Variants in EIF2B4 observed in about 807,000 individuals in gnomAD.
EIF2B4 encodes translation initiation factor eIF2B subunit delta.
Under a neutral mutation model 66.7 loss-of-function variants are expected in EIF2B4, and 34 were observed. The ratio of observed to expected loss-of-function variants is 0.51; its 90% CI spans 0.39 to 0.68. The LOEUF is 0.68. Among genes scored for constraint, EIF2B4 ranks in the 30% least tolerant of loss-of-function variants. The pLI is 0.00. For synonymous variants in EIF2B4, 278 were observed against 253.6 expected (o/e 1.10, Z -0.92); for missense variants, 618 against 657.9 (o/e 0.94, Z 0.66).
intron 11 of EIF2B4, chr2:27,365,609 C>T (rs1681791888): frequency 6.6e-6 from 1 of 152,434 alleles, no homozygotes; most frequent in African/African-American, 2.4e-5. Context: ...AACTCCTGAC[C>T]TCGTGAACTG....
In EIF2B4 at chr2:27,370,285, C is replaced by CT; in HGVS notation, c.29dup (p.Asp11GlyfsTer87). 6.5e-7 allele frequency: 1 copy of CT among 1,548,666 alleles called. No individual in the cohort carries two copies. The highest frequency in any genetic ancestry group is 8.7e-7 in the Non-Finnish European group (1 of 1,149,478). ...AGGCAGGCCCGGCTCTTCACTCACC[C>CT]TCGCGAACAGCCACGGCCACAGCAG... On this transcript the variant is annotated frameshift_variant and splice_region_variant, in exon 1 of 13. Transcript: ENST00000347454. LOFTEE classifies it high-confidence loss of function.
chr2:27,366,740 C>T lies in EIF2B4; in HGVS notation c.1191+19G>A, dbSNP rs555838369. 6.2e-7 allele frequency: 1 copy of T among 1,614,126 alleles called. No individual in the cohort carries two copies. The highest frequency in any genetic ancestry group is 1.3e-5 in the African/African-American group (1 of 75,050). On this transcript the variant is annotated intron_variant, in intron 11 of 12. Coordinates refer to ENST00000347454, the MANE Select transcript of EIF2B4 (RefSeq NM_001034116.2). ...ACCTTTTCACCGCCAACTTTGGAGT[C>T]CTTTTCCTCTGTACTTACCTCTGGG...
Position 27,368,092 on chromosome 2 carries a change from T to G in EIF2B4, c.638A>C (p.Gln213Pro), listed in dbSNP as rs1682000914. The G allele has an allele frequency of 6.2e-7, 1 of 1,601,554 alleles. No homozygotes were observed. The highest frequency in any genetic ancestry group is 8.5e-7 in the Non-Finnish European group (1 of 1,174,020). ...GCCACTGACCAGGCCCTGGGAGTAC[T>G]GCAGGCCGAGTCGCACCATGGCTGG... The part of the protein sequence containing the change: ...IHPAMVRLGL[Q>P]YSQGLVSGSN... The change falls in exon 7 of 13, where the codon CAG becomes CCG. Residue 213 changes from glutamine (Q) to proline (P), a missense_variant. This residue lies in a region of EIF2B4 where 506 missense variants were observed against 511.9 expected (regional missense o/e 0.99). Transcript: ENST00000347454.
rs770318466 is a variant in EIF2B4, at chr2:27,364,797, A to G, written c.1293T>C (p.Asn431=). The change falls in exon 12 of 13, where the codon AAT becomes AAC. Residue 431 remains asparagine (N), a synonymous_variant. Coordinates refer to ENST00000347454, the MANE Select transcript of EIF2B4 (RefSeq NM_001034116.2). ...TTTCACAGCAAACCAGCACTGGTAC[A>G]TTATGGGCTCGAGCCACCAGGGCTA... ...AQLALVARAH[N]VPVLVCCETY... is the part of the protein sequence containing the mutation. 1.1e-5 allele frequency: 17 copies of G among 1,614,076 alleles called. No homozygotes were observed. Among genetic ancestry groups the G allele is most frequent in the Non-Finnish European group, 5.1e-6 (6 of 1,180,044 alleles).
chr2:27,368,110 A>G lies in EIF2B4; in HGVS notation c.620T>C (p.Met207Thr), dbSNP rs1438809925. The G allele has an allele frequency of 1.3e-6, 2 of 1,597,186 alleles. No individual in the cohort carries two copies. The highest frequency in any genetic ancestry group is 1.6e-4 in the Middle Eastern group (1 of 6,062). Residue 207 changes from methionine (M) to threonine (T), a missense_variant, in exon 7 of 13, where the codon ATG becomes ACG. Met to Thr is a moderately conservative substitution (Grantham distance 81). Around this residue, in one of 4 missense-constraint regions of EIF2B4, gnomAD observed 506 missense variants for 511.9 expected, o/e 0.99. Transcript: ENST00000347454. ...SIPSSVIHPA[M>T]VRLGLQYSQG... The stretch of plus-strand genomic sequence containing the variant: ...GGAGTACTGCAGGCCGAGTCGCACC[A>G]TGGCTGGGTGGATCACAGAGGATGG...
At position 27,369,151 on chromosome 2, in the gene EIF2B4, A is replaced by C. The variant is rs1372343142; in HGVS notation, c.273T>G (p.Val91=). The C allele has an allele frequency of 6.2e-6, 10 of 1,613,470 alleles. 1 individual carries two copies. The highest frequency in any genetic ancestry group is 8.5e-6 in the Non-Finnish European group (10 of 1,179,956). ...GIQLGTPREK[V]PAGRSKAELR... ...GTTCGGCCTTACTCCGACCAGCTGGAACTTTCTCCCGAGGAGTGCCCAACT... is the reference window on the plus strand; with the variant it reads ...GTTCGGCCTTACTCCGACCAGCTGGCACTTTCTCCCGAGGAGTGCCCAACT... The change falls in exon 4 of 13, where the codon GTT becomes GTG. Residue 91 remains valine (V), a synonymous_variant. Transcript: ENST00000347454.
Position 27,364,898 on chromosome 2 carries a change from C to G in EIF2B4, c.1192G>C (p.Val398Leu). The G allele has an allele frequency of 6.2e-7, 1 of 1,613,976 alleles. No homozygotes were observed. The highest frequency in any genetic ancestry group is 8.5e-7 in the Non-Finnish European group (1 of 1,179,966). Reference sequence around the variant, plus strand: ...TGAGCTCCCAATAGCACCTTGGAAACCTGTTTCACAGGAGAAGAGGAAGAA... The same window carrying G: ...TGAGCTCCCAATAGCACCTTGGAAAGCTGTTTCACAGGAGAAGAGGAAGAA... Reference protein sequence around the residue: ...IPAASYVLPEVSKVLLGAHAL... With the variant: ...IPAASYVLPELSKVLLGAHAL... Residue 398 changes from valine (V) to leucine (L), a missense_variant and splice_region_variant, in exon 12 of 13, where the codon GTT (valine) becomes CTT (leucine). This residue lies in a region of EIF2B4 where 506 missense variants were observed against 511.9 expected (regional missense o/e 0.99). Coordinates refer to ENST00000347454, the MANE Select transcript of EIF2B4 (RefSeq NM_001034116.2).
intron 7 of EIF2B4, 95 bp from the exon 8 acceptor site, chr2:27,367,917 G>C (rs537332201): frequency 1.3e-6 from 2 of 1,491,134 alleles, no homozygotes; most frequent in Admixed American, 1.8e-5. Flanking sequence ...ATGTTCTGAG[G>C]GTAGGAGTAT....
At position 27,369,506 on chromosome 2, in the gene EIF2B4, C is replaced by T. The variant is rs1267436130; in HGVS notation, c.119G>A (p.Arg40Gln). 6.2e-7 allele frequency: 1 copy of T among 1,614,080 alleles called. No homozygotes were observed. Among genetic ancestry groups the T allele is most frequent in the South Asian group, 1.1e-5 (1 of 91,072 alleles). The change falls in exon 3 of 13, where the codon CGG (arginine) becomes CAG (glutamine). Residue 40 changes from arginine (R) to glutamine (Q), a missense_variant. By Grantham distance (43) the Arg-to-Gln change is conservative. This residue lies in a region of EIF2B4 where 506 missense variants were observed against 511.9 expected (regional missense o/e 0.99). Coordinates refer to ENST00000347454, the MANE Select transcript of EIF2B4 (RefSeq NM_001034116.2). ...EMTKEEKLQL[R>Q]KEKKQQKKKR... is the part of the protein sequence containing the mutation. Reference sequence around the variant, plus strand: ...CTTCTTCTGCTGTTTCTTTTCCTTCCGAAGCTGCAGCTTTTCTTCTTTGGT... The same window carrying T: ...CTTCTTCTGCTGTTTCTTTTCCTTCTGAAGCTGCAGCTTTTCTTCTTTGGT...
intron 11 of EIF2B4, chr2:27,366,210 GGTGGGGT>G (rs1558634140): frequency 7.0e-6 from 1 of 142,498 alleles, no homozygotes; most frequent in Non-Finnish European, 1.5e-5. Flanking sequence ...GTGGGGGTGG[GGTGGGGT>G]GTGTGTGTGT....
At chr2:27,367,264 C>A (rs763515698) in intron 9 of EIF2B4, 63 bp from the exon 10 acceptor site, 1 of 1,611,522 alleles carries the variant, frequency 6.2e-7, no homozygotes, top group Admixed American at 1.7e-5. Flanking sequence ...GATGATCATG[C>A]CAGGTGCTTG....
Position 27,367,179 on chromosome 2 carries a change from G to A in EIF2B4, c.908C>T (p.Ala303Val). ...CTTCTCTTGCACATACCGATCAATG[G>A]CTGCTCGAAGTTCTGACTTGGCCTA... ...EEEAKSELRA[A>V]IDRYVQEKIV... The change falls in exon 10 of 13, where the codon GCC becomes GTC. Residue 303 changes from alanine (A) to valine (V), a missense_variant. Physicochemically the swap from Ala to Val is moderately conservative, Grantham distance 64. Around this residue, in one of 4 missense-constraint regions of EIF2B4, gnomAD observed 506 missense variants for 511.9 expected, o/e 0.99. Transcript: ENST00000347454. The A allele has an allele frequency of 6.2e-7, 1 of 1,614,180 alleles. No homozygotes were observed. The highest frequency in any genetic ancestry group is 8.5e-7 in the Non-Finnish European group (1 of 1,180,044).
chr2:27,368,613 C>T, intron 5 of EIF2B4, 41 bp downstream of exon 5: 1 of 1,612,138 alleles, frequency 6.2e-7, no homozygotes, highest in Non-Finnish European at 8.5e-7. Context: ...CAGTCCATTT[C>T]CCTAGGCTCT....
In EIF2B4 at chr2:27,366,953, G is replaced by A. The variant is rs760929188; in HGVS notation, c.1014-17C>T. On this transcript the variant is annotated splice_polypyrimidine_tract_variant and intron_variant, in intron 10 of 12. Transcript: ENST00000347454. The stretch of plus-strand genomic sequence containing the variant: ...AGAGATGAGCTAGAGTGAATGAAGA[G>A]GAGGATTCAGTTATAAATGTCAGTA... 5.6e-6 allele frequency: 9 copies of A among 1,614,018 alleles called. No homozygotes were observed. The highest frequency in any genetic ancestry group is 5.9e-6 in the Non-Finnish European group (7 of 1,180,032).
At chr2:27,368,511 A>G (rs944661678) in intron 5 of EIF2B4, 48 bp from the exon 6 acceptor site, 1 of 1,580,730 alleles carries the variant, frequency 6.3e-7, no homozygotes, top group Non-Finnish European at 8.7e-7. Flanking sequence ...TTTAAAAAGG[A>G]TGGGATAAAG....
chr2:27,367,938 C>T (rs113271372), intron 7 of EIF2B4, 87 bp downstream of exon 7: 1 of 1,466,654 alleles, frequency 6.8e-7, no homozygotes, highest in South Asian at 1.2e-5. Flanking sequence ...TCCCTCTGTC[C>T]CCCAGAGATG....
chr2:27,364,974 C>G (rs1032842752), intron 11 of EIF2B4, 76 bp from the exon 12 acceptor site: 15 of 1,433,958 alleles, frequency 1.0e-5, no homozygotes, highest in Middle Eastern at 1.7e-4. Flanking sequence ...ACTTACAGGA[C>G]AGCAACATTA....
At chr2:27,367,258 A>T in intron 9 of EIF2B4, 57 bp from the exon 10 acceptor site, 1 of 1,612,960 alleles carries the variant, frequency 6.2e-7, no homozygotes. Context: ...CCCTCTGATG[A>T]TCATGCCAGG....
rs1681926038 is a variant in EIF2B4, at chr2:27,367,196, C to T, written c.891G>A (p.Lys297=). The T allele has an allele frequency of 6.2e-7, 1 of 1,614,204 alleles. No homozygotes were observed. Among genetic ancestry groups the T allele is most frequent in the Non-Finnish European group, 8.5e-7 (1 of 1,180,048 alleles). Residue 297 remains lysine, a synonymous_variant, in exon 10 of 13, where the codon AAG becomes AAA. Transcript: ENST00000347454. The stretch of plus-strand genomic sequence containing the variant: ...GATCAATGGCTGCTCGAAGTTCTGA[C>T]TTGGCCTAAATGGAGTAAAATCCTT... ...VGSSKREEEA[K]SELRAAIDRY...
Sources: allele counts gnomAD v4.1 joint callset, GRCh38; gene constraint gnomAD v4.1.1; regional missense constraint gnomAD v4.1.1; transcripts MANE v1.5; gene names NCBI Gene and HGNC (gene_info 2026-07-23, HGNC 2026-07-21).